The following ODF2 variants were observed in gnomAD, a reference collection of about 807,000 sequenced individuals.
The protein encoded by ODF2 is outer dense fiber of sperm tails 2.
In ODF2, 47 loss-of-function variants were observed where a neutral mutation model predicts 110.2. The observed-to-expected ratio is 0.43, with a 90% CI of 0.34 to 0.54. The LOEUF (loss-of-function observed/expected upper bound fraction) is 0.54, where lower values mean the gene tolerates loss of function less well. Among genes scored for constraint, ODF2 ranks in the 20% least tolerant of loss-of-function variants. The probability of loss-of-function intolerance (pLI) is 0.03; values close to 1 mark genes in which losing one functional copy is unlikely to be tolerated. For synonymous variants in ODF2, 352 were observed against 397.7 expected (o/e 0.89, Z 1.37); for missense variants, 812 against 1,054.5 (o/e 0.77, Z 3.19).
At chr9:128,458,677 A>G (rs1835610175) in intron 2 of ODF2, among the ~76,000 whole-genome samples, 1 of 151,910 alleles carries the variant, frequency 6.6e-6, no homozygotes, top group South Asian at 2.1e-4. Context: ...ATGGCATTAA[A>G]AAAAAATCCC....
chr9:128,490,988 T>A (rs950724797), intron 14 of ODF2, among the ~76,000 whole-genome samples: 1 of 152,118 alleles, frequency 6.6e-6, no homozygotes, highest in Non-Finnish European at 1.5e-5. Context: ...ATTCATTGAC[T>A]TGAGAGAAGT....
At chr9:128,484,970 C>T (rs1453592366) in intron 12 of ODF2, 84 bp downstream of exon 12, 9 of 660,088 alleles carry the variant, frequency 1.4e-5, no homozygotes, top group African/African-American at 2.0e-5. Context: ...AGATGGGTAG[C>T]GGGGAGGGGT....
intron 5 of ODF2, among the ~76,000 whole-genome samples, chr9:128,470,379 C>A (rs1192745485): frequency 6.6e-6 from 1 of 151,844 alleles, no homozygotes; most frequent in African/African-American, 2.4e-5. Flanking sequence ...GCCTATAATC[C>A]TAGCACTTTG....
At chr9:128,459,481 G>A (rs1264237028) in intron 2 of ODF2, 86 bp from the exon 2 acceptor site, 55 of 1,055,314 alleles carry the variant, frequency 5.2e-5, no homozygotes, top group East Asian at 4.6e-4. Context: ...GTTAGCTACC[G>A]TAGTCAGTGT....
chr9:128,457,504 G>A, intron 2 of ODF2: 1 of 1,505,186 alleles, frequency 6.6e-7, no homozygotes, highest in Non-Finnish European at 8.8e-7. Flanking sequence ...CCCCAGGGCA[G>A]GCTCGCCTGA....
intron 5 of ODF2, among the ~76,000 whole-genome samples, chr9:128,470,008 AAAAAAAAAAAATATATATATAT>A (rs1839395011): frequency 5.7e-5 from 2 of 35,004 alleles, no homozygotes; most frequent in South Asian, 2.5e-3. Flanking sequence ...AAAAAAAAAA[AAAAAAAAAAAATATATATATAT>A]ATATATATAT....
chr9:128,460,619 C>T, intron 3 of ODF2: 2 of 1,614,068 alleles, frequency 1.2e-6, no homozygotes, highest in Non-Finnish European at 8.5e-7. Context: ...CACCCCTGTC[C>T]ACGTCCACAT....
At chr9:128,465,739 C>CAAA (rs34262754) in intron 4 of ODF2, among the ~76,000 whole-genome samples, 1 of 70,462 alleles carries the variant, frequency 1.4e-5, no homozygotes, top group Non-Finnish European at 3.2e-5. Flanking sequence ...GACTCCGTCT[C>CAAA]AAAAAAAAAA....
chr9:128,461,029 G>A (rs763847325), exon 4 of ODF2: 1 of 1,614,188 alleles, frequency 6.2e-7, no homozygotes, highest in Non-Finnish European at 8.5e-7. Flanking sequence ...GATGCCCCCT[G>A]GAAAATCATC....
In ODF2 at chr9:128,496,043, C is replaced by T. The variant is rs766258235; in HGVS notation, c.1914C>T (p.Ile638=). The T allele has an allele frequency of 2.4e-5, 38 of 1,613,484 alleles. No homozygotes were observed. In the Admixed American group the frequency reaches 2.5e-4, roughly 11 times the overall value. The change falls in exon 18 of 21, where the codon ATC becomes ATT. Residue 638 remains isoleucine (I), a splice_region_variant and synonymous_variant. Coordinates refer to ENST00000604420, the Ensembl canonical transcript of ODF2. ...AGTCTGTGTTCCTGTCATTTTAGAT[C>T]GAACACCAGGGGGACAAGCTGGAGA...
chr9:128,496,167 G>T (rs1246811903), intron 18 of ODF2, 26 bp downstream of exon 18: 4 of 1,613,092 alleles, frequency 2.5e-6, no homozygotes, highest in Non-Finnish European at 3.4e-6. Flanking sequence ...TCCCATCTCT[G>T]TCCTCTTCCT....
intron 3 of ODF2, 24 bp downstream of exon 2, chr9:128,459,681 G>T: frequency 6.4e-7 from 1 of 1,573,460 alleles, no homozygotes. Flanking sequence ...TCACGTAGCA[G>T]CCCTCTTTGG....
chr9:128,495,196 T>C (rs1354277160), intron 17 of ODF2, among the ~76,000 whole-genome samples: 1 of 152,252 alleles, frequency 6.6e-6, no homozygotes, highest in Non-Finnish European at 1.5e-5. Context: ...CAGCGTGACC[T>C]TGGGCAAGGC....
intron 4 of ODF2, among the ~76,000 whole-genome samples, chr9:128,466,430 G>A (rs934699188): frequency 6.7e-6 from 1 of 149,714 alleles, no homozygotes; most frequent in Non-Finnish European, 1.5e-5. Flanking sequence ...TTGTGCTACT[G>A]CACTCCAGGC....
In ODF2 at chr9:128,460,248, G is replaced by T; in HGVS notation, c.123+591G>T. 3.0e-6 allele frequency: 4 copies of T among 1,338,524 alleles called. No homozygotes were observed. The South Asian group carries it at 3.7e-5, about 12-fold the overall frequency. 82.9% of individuals were successfully genotyped at this position (1,338,524 alleles called of 1,614,324 possible). A position where few individuals can be genotyped will look rare whatever the true frequency, so the allele number is the denominator to read the frequency against. On this transcript the variant is annotated intron_variant, in intron 3 of 20. Transcript: ENST00000604420. Reference sequence around the variant, plus strand: ...TGTGCATTCCAGCAGGTTTAGAGGAGATCCAGCCCTAAGAACCCTGGGGCC... The same window carrying T: ...TGTGCATTCCAGCAGGTTTAGAGGATATCCAGCCCTAAGAACCCTGGGGCC...
chr9:128,470,820 A>G (rs1417266068), intron 5 of ODF2, among the ~76,000 whole-genome samples: 1 of 152,222 alleles, frequency 6.6e-6, no homozygotes, highest in East Asian at 1.9e-4. Context: ...CAGGAGAGTC[A>G]GTCTTCATGG....
intron 14 of ODF2, among the ~76,000 whole-genome samples, chr9:128,491,737 C>T (rs991373069): frequency 2.0e-5 from 3 of 151,960 alleles, no homozygotes; most frequent in Non-Finnish European, 2.9e-5. Flanking sequence ...AACTATGTTA[C>T]ATAGCAGTAA....
exon 3 of ODF2, chr9:128,459,641 C>A: frequency 1.2e-6 from 2 of 1,613,566 alleles, no homozygotes; most frequent in South Asian, 1.1e-5. Context: ...TGTGGCGCAC[C>A]CAGTGTAACT....
chr9:128,466,063 C>T (rs887528362), intron 4 of ODF2, among the ~76,000 whole-genome samples: 5 of 151,854 alleles, frequency 3.3e-5, no homozygotes, highest in East Asian at 1.9e-4. Context: ...TGCTTAAGCC[C>T]ATGAGGCGGA....
Sources: allele counts gnomAD v4.1 joint callset (sites outside exome capture counted in the v4.1 genomes callset), GRCh38; gene constraint gnomAD v4.1.1; transcripts MANE v1.5; gene names NCBI Gene and HGNC (gene_info 2026-07-23, HGNC 2026-07-21).